The following SEPTIN10 variants were observed in gnomAD, a reference collection of about 807,000 sequenced individuals.
SEPTIN10 encodes the protein septin-10.
SEPTIN10 carries 66 observed loss-of-function variants against 54.8 expected under a neutral mutation model. The observed-to-expected ratio is 1.21, with a 90% confidence interval of 0.99 to 1.48. The LOEUF (loss-of-function observed/expected upper bound fraction) is 1.48. SEPTIN10 is among the 40% of genes most tolerant of loss of function. The pLI is 0.00. For missense variants in SEPTIN10, 620 were observed against 545.6 expected (o/e 1.14, Z -1.36); for synonymous variants, 161 against 181.0 (o/e 0.89, Z 0.89).
intron 1 of SEPTIN10, among the ~76,000 whole-genome samples, chr2:109,604,113 G>T (rs373020179): frequency 7.1e-6 from 1 of 140,218 alleles, no homozygotes; most frequent in African/African-American, 2.8e-5. Flanking sequence ...AGTGAGCCGA[G>T]ATCATGCCAC....
intron 8 of SEPTIN10, among the ~76,000 whole-genome samples, chr2:109,553,495 G>A (rs1683564798): frequency 6.7e-6 from 1 of 150,340 alleles, no homozygotes; most frequent in Non-Finnish European, 1.5e-5. Flanking sequence ...AGTGAGCTGA[G>A]ATCATGCCAC....
At chr2:109,585,580 A>G in intron 3 of SEPTIN10, 141 bp downstream of exon 3, 1 of 746,748 alleles carries the variant, frequency 1.3e-6, no homozygotes. Flanking sequence ...AACAAAACTA[A>G]CAGAATCTAA....
rs1312667323 is a variant in SEPTIN10, at chr2:109,565,782, G to A, written c.840C>T (p.Tyr280=). 4.3e-6 allele frequency: 7 copies of A among 1,613,698 alleles called. No homozygotes were observed. Among genetic ancestry groups the A allele is most frequent in the African/African-American group, 2.7e-5 (2 of 74,868 alleles). The change falls in exon 7 of 11, where the codon TAC becomes TAT. Residue 280 remains tyrosine (Y), a synonymous_variant. Coordinates refer to ENST00000397712, the MANE Select transcript of SEPTIN10 (RefSeq NM_144710.5). ...VGNKMVKARQ[Y]PWGVVQVENE... Reference sequence around the variant, plus strand: ...ATTTACCTTGTACAACACCCCAAGGGTACTGGCGAGCTTTGACCATCTTGT... The same window carrying A: ...ATTTACCTTGTACAACACCCCAAGGATACTGGCGAGCTTTGACCATCTTGT...
chr2:109,610,095 G>GTTTTTTTTTTTTTTTTTTTTT (rs554268137), intron 1 of SEPTIN10, among the ~76,000 whole-genome samples: 2 of 143,434 alleles, frequency 1.4e-5, no homozygotes, highest in African/African-American at 5.2e-5. Flanking sequence ...TCCCTGAGGT[G>GTTTTTTTTTTTTTTTTTTTTT]TTTTTTTTTT....
At chr2:109,588,074 A>C (rs1692999408) in intron 2 of SEPTIN10, among the ~76,000 whole-genome samples, 2 of 152,124 alleles carry the variant, frequency 1.3e-5, no homozygotes, top group Admixed American at 6.6e-5. Flanking sequence ...GCAAACCAGA[A>C]GACAAAACAA....
At chr2:109,573,790 A>C (rs944369547) in intron 5 of SEPTIN10, among the ~76,000 whole-genome samples, 1 of 152,200 alleles carries the variant, frequency 6.6e-6, no homozygotes, top group Non-Finnish European at 1.5e-5. Context: ...GAAGTGAGTT[A>C]GTTTATGAAT....
intron 1 of SEPTIN10, among the ~76,000 whole-genome samples, chr2:109,609,037 A>G (rs1395886359): frequency 6.6e-6 from 1 of 152,198 alleles, no homozygotes; most frequent in East Asian, 1.9e-4. Flanking sequence ...TTTCCCACAG[A>G]CCAAAATATA....
intron 9 of SEPTIN10, among the ~76,000 whole-genome samples, chr2:109,548,996 A>C (rs1454672465): frequency 6.6e-6 from 1 of 152,182 alleles, no homozygotes; most frequent in Non-Finnish European, 1.5e-5. Context: ...AGGCCCTCCT[A>C]ACATAAGATG....
chr2:109,591,916 A>G (rs1013963303), intron 2 of SEPTIN10, among the ~76,000 whole-genome samples: 9 of 152,152 alleles, frequency 5.9e-5, no homozygotes, highest in African/African-American at 2.2e-4. Context: ...CAAACAAAAT[A>G]AAAAACAACT....
intron 1 of SEPTIN10, chr2:109,613,222 A>T (rs766891321): frequency 1.7e-5 from 22 of 1,277,786 alleles, no homozygotes; most frequent in Admixed American, 4.6e-5. Flanking sequence ...TAAATCTACA[A>T]AAGTAACTGG....
At chr2:109,547,009 C>G (rs146047281) in intron 9 of SEPTIN10, among the ~76,000 whole-genome samples, 211 of 152,312 alleles carry the variant, frequency 1.4e-3, no homozygotes, top group African/African-American at 4.9e-3. Flanking sequence ...TCCCTTTAGG[C>G]GCCTAAAGGC....
At chr2:109,579,076 T>C (rs1383990803) in intron 4 of SEPTIN10, among the ~76,000 whole-genome samples, 1 of 152,140 alleles carries the variant, frequency 6.6e-6, no homozygotes, top group South Asian at 2.1e-4. Flanking sequence ...CACAAACAAC[T>C]ATTATCAGGA....
chr2:109,601,968 A>C (rs1696693428), intron 1 of SEPTIN10, among the ~76,000 whole-genome samples: 1 of 152,196 alleles, frequency 6.6e-6, no homozygotes, highest in Non-Finnish European at 1.5e-5. Context: ...TCCCGAGGGA[A>C]AAACCAGGAC....
chr2:109,544,048 A>G lies in SEPTIN10; in HGVS notation c.*261T>C. 2 of 1,066,222 alleles carry G rather than the reference A, an allele frequency of 1.9e-6. No homozygotes were observed. Among genetic ancestry groups the G allele is most frequent in the Non-Finnish European group, 2.7e-6 (2 of 738,286 alleles). The allele number at this position is 1,066,222 out of a possible 1,614,324, so 66.0% of individuals were successfully genotyped here. A position where few individuals can be genotyped will look rare whatever the true frequency, so the allele number is the denominator to read the frequency against. ...AATTTTCCACTTGTGGGGTCAAGTC[A>G]GTGCTCAAAAAGATTCAGATTTTGA... On this transcript the variant is annotated 3_prime_UTR_variant, in exon 11 of 11. Coordinates refer to ENST00000397712, the MANE Select transcript of SEPTIN10 (RefSeq NM_144710.5).
chr2:109,611,507 C>T (rs749360815), intron 1 of SEPTIN10, among the ~76,000 whole-genome samples: 12 of 151,972 alleles, frequency 7.9e-5, no homozygotes, highest in Non-Finnish European at 1.6e-4. Flanking sequence ...AGAAAATAGG[C>T]AACATGTTGG....
chr2:109,613,191 C>G (rs1699651630), intron 1 of SEPTIN10: 1 of 1,288,144 alleles, frequency 7.8e-7, no homozygotes, highest in African/African-American at 1.5e-5. Flanking sequence ...TGGAAAACCG[C>G]TGGCTTACTA....
At chr2:109,567,512 G>A (rs1687315679) in intron 6 of SEPTIN10, among the ~76,000 whole-genome samples, 2 of 152,164 alleles carry the variant, frequency 1.3e-5, no homozygotes, top group South Asian at 4.1e-4. Flanking sequence ...AGGGTAGGAA[G>A]GTGTCATCTT....
intron 4 of SEPTIN10, among the ~76,000 whole-genome samples, chr2:109,584,462 G>A (rs367618488): frequency 2.6e-5 from 3 of 114,544 alleles, no homozygotes; most frequent in African/African-American, 3.7e-5. Context: ...GTGACAGAGC[G>A]AGACTCTGTC....
chr2:109,570,646 C>T (rs747160546), intron 5 of SEPTIN10, among the ~76,000 whole-genome samples: 3 of 151,642 alleles, frequency 2.0e-5, no homozygotes, highest in Non-Finnish European at 4.4e-5. Flanking sequence ...CTCAGCCTCC[C>T]GAGTAGCTGG....
Sources: allele counts gnomAD v4.1 joint callset (sites outside exome capture counted in the v4.1 genomes callset), GRCh38; gene constraint gnomAD v4.1.1; transcripts MANE v1.5; gene names NCBI Gene and HGNC (gene_info 2026-07-23, HGNC 2026-07-21).